Variants in TNFRSF11A observed in about 807,000 individuals in gnomAD.
TNFRSF11A encodes the protein TNF receptor superfamily member 11a.
A neutral mutation model predicts 55.7 loss-of-function variants in TNFRSF11A; 32 were observed. The ratio of observed to expected loss-of-function variants is 0.57; its 90% CI spans 0.43 to 0.77. TNFRSF11A has a LOEUF of 0.77. Among genes scored for constraint, TNFRSF11A ranks in the 30% least tolerant of loss-of-function variants. The pLI, the probability that TNFRSF11A is intolerant of heterozygous loss-of-function variation, is 0.00. For missense variants in TNFRSF11A, 753 were observed against 809.8 expected, an observed-to-expected ratio of 0.93 and a Z score of 0.85; for synonymous variants, 311 against 331.0, an observed-to-expected ratio of 0.94 and a Z score of 0.65.
chr18:62,384,725 C>A, intron 9 of TNFRSF11A, 26 bp from the exon 10 acceptor site: 1 of 1,607,824 alleles, frequency 6.2e-7, no homozygotes, highest in Non-Finnish European at 8.5e-7. Context: ...TCACCCTCCC[C>A]GTGTTCTCCC....
intron 3 of TNFRSF11A, among the ~76,000 whole-genome samples, chr18:62,351,650 C>T (rs2046474345): frequency 6.6e-6 from 1 of 152,176 alleles, no homozygotes; most frequent in African/African-American, 2.4e-5. Flanking sequence ...TCCTGTAGTG[C>T]AGTACATATA....
chr18:62,366,348 CA>C (rs562953652), intron 7 of TNFRSF11A, among the ~76,000 whole-genome samples: 4 of 152,150 alleles, frequency 2.6e-5, no homozygotes, highest in South Asian at 2.1e-4. Context: ...TTAGCAGGGA[CA>C]GGGGGAAAGA....
rs1911635851 is a variant in TNFRSF11A at position 62,385,283 on chromosome 18, C to G, written c.*249C>G. 1 of 408,134 alleles carries G rather than the reference C, an allele frequency of 2.5e-6. No individual in the cohort carries two copies. Among genetic ancestry groups the G allele is most frequent in the Admixed American group, 4.6e-5 (1 of 21,904 alleles). 25.3% of individuals were successfully genotyped at this position (408,134 alleles called of 1,614,324 possible). Reference sequence around the variant, plus strand: ...GGCAGATGTCTCCCCTGCCACTCCTCAAACTCGCAGCAGTAATTTGTGGCA... The same window carrying G: ...GGCAGATGTCTCCCCTGCCACTCCTGAAACTCGCAGCAGTAATTTGTGGCA... On this transcript the variant is annotated 3_prime_UTR_variant, in exon 10 of 10. Transcript: ENST00000586569.
chr18:62,371,656 C>T (rs75717410), intron 9 of TNFRSF11A, among the ~76,000 whole-genome samples: 2,288 of 152,300 alleles, frequency 0.015, 37 homozygotes, highest in Admixed American at 0.043. Flanking sequence ...AATTAATTTT[C>T]GCCTGAGGAG....
chr18:62,335,508 G>A (rs2046219021), intron 1 of TNFRSF11A, among the ~76,000 whole-genome samples: 1 of 152,184 alleles, frequency 6.6e-6, no homozygotes, highest in Non-Finnish European at 1.5e-5. Context: ...GGGGACTCAA[G>A]GTGGTGGGCA....
intron 5 of TNFRSF11A, 95 bp downstream of exon 5, chr18:62,358,436 G>A: frequency 8.1e-7 from 1 of 1,234,418 alleles, no homozygotes; most frequent in Non-Finnish European, 1.2e-6. Context: ...GGATTCTGTT[G>A]GGTTAGGCTT....
In TNFRSF11A at chr18:62,386,906, G is replaced by T. The variant is rs951260511; in HGVS notation, c.*1872G>T. ...CCTTTTATTTAACATCATCCACAGA[G>T]AGATGTTATACAAATGGAGGAAACC... On this transcript the variant is annotated 3_prime_UTR_variant, in exon 10 of 10. Transcript: ENST00000586569. 4 of 152,176 alleles carry T rather than the reference G, an allele frequency of 2.6e-5. No homozygotes were observed. Among genetic ancestry groups the T allele is most frequent in the African/African-American group, 9.7e-5 (4 of 41,424 alleles). 9.4% of individuals were successfully genotyped at this position (152,176 alleles called of 1,614,324 possible). A position where few individuals can be genotyped will look rare whatever the true frequency, so the allele number is the denominator to read the frequency against.
chr18:62,329,681 C>T (rs1411584371), intron 1 of TNFRSF11A, among the ~76,000 whole-genome samples: 1 of 152,162 alleles, frequency 6.6e-6, no homozygotes, highest in East Asian at 1.9e-4. Flanking sequence ...AGGTTTAAAA[C>T]CGAGTGGGTG....
chr18:62,337,235 G>A (rs181930631), intron 1 of TNFRSF11A, among the ~76,000 whole-genome samples: 3 of 152,036 alleles, frequency 2.0e-5, no homozygotes, highest in Non-Finnish European at 1.5e-5. Context: ...TGACAAAATG[G>A]TTAATATGGC....
intron 1 of TNFRSF11A, among the ~76,000 whole-genome samples, 200 bp from the exon 2 acceptor site, chr18:62,347,968 A>G (rs1258116460): frequency 1.3e-5 from 2 of 151,146 alleles, no homozygotes; most frequent in African/African-American, 4.9e-5. Context: ...CTAAAGTAGG[A>G]GAATCGCTTG....
intron 3 of TNFRSF11A, 118 bp downstream of exon 3, chr18:62,350,055 T>G: frequency 4.3e-6 from 6 of 1,395,648 alleles, no homozygotes; most frequent in Non-Finnish European, 6.0e-6. Flanking sequence ...GAAAGGAAGT[T>G]GTGACTACAC....
intron 7 of TNFRSF11A, among the ~76,000 whole-genome samples, chr18:62,365,187 C>T (rs1472490145): frequency 6.6e-6 from 1 of 152,104 alleles, no homozygotes; most frequent in African/African-American, 2.4e-5. Flanking sequence ...GTCTCAAACT[C>T]CTGAGCTGAA....
chr18:62,339,933 G>A (rs543890390), intron 1 of TNFRSF11A, among the ~76,000 whole-genome samples: 1 of 152,098 alleles, frequency 6.6e-6, no homozygotes, highest in South Asian at 2.1e-4. Context: ...AAGCTGACCA[G>A]CTGTGATGAG....
chr18:62,390,258 A>G lies in TNFRSF11A; in HGVS notation c.*5224A>G, dbSNP rs1555777940. The G allele has an allele frequency of 6.6e-6, 1 of 152,198 alleles. No individual in the cohort carries two copies. Among genetic ancestry groups the G allele is most frequent in the Non-Finnish European group, 1.5e-5 (1 of 68,032 alleles). 9.4% of individuals were successfully genotyped at this position (152,198 alleles called of 1,614,324 possible). A position where few individuals can be genotyped will look rare whatever the true frequency, so the allele number is the denominator to read the frequency against. ...ACAGTTGACAGGACTGTTATGGTTGACCCAAAAGTTGTCATCTTCTGACAT... is the reference window on the plus strand; with the variant it reads ...ACAGTTGACAGGACTGTTATGGTTGGCCCAAAAGTTGTCATCTTCTGACAT... On this transcript the variant is annotated 3_prime_UTR_variant, in exon 10 of 10. Coordinates refer to ENST00000586569, the MANE Select transcript of TNFRSF11A (RefSeq NM_003839.4).
At chr18:62,367,124 A>G (rs1055118586) in intron 8 of TNFRSF11A, among the ~76,000 whole-genome samples, 1 of 152,330 alleles carries the variant, frequency 6.6e-6, no homozygotes, top group Middle Eastern at 3.4e-3. Context: ...TGCTGGGATT[A>G]TAGGCAGGAG....
intron 8 of TNFRSF11A, among the ~76,000 whole-genome samples, chr18:62,367,090 T>C (rs546812829): frequency 3.2e-4 from 48 of 152,332 alleles, no homozygotes; most frequent in African/African-American, 9.6e-4. Context: ...CCTCAAGTGA[T>C]CCACCTGCCT....
Position 62,379,015 on chromosome 18 carries a change from G to A in TNFRSF11A, c.1568-5736G>A, listed in dbSNP as rs536986864. Among the ~76,000 whole-genome samples, 9 of 152,258 alleles carry A rather than the reference G, an allele frequency of 5.9e-5. No homozygotes were observed. The South Asian group carries it at 8.3e-4, about 14-fold the overall frequency. On this transcript the variant is annotated intron_variant, in intron 9 of 9. Transcript: ENST00000586569. ...CTTTCCGGTGAATCTGGATTATGAC[G>A]TGCCATGGAAAAAGAAGGCTGTTTG...
Position 62,384,793 on chromosome 18 carries a change from G to A in TNFRSF11A, c.1610G>A (p.Gly537Glu). The change falls in exon 10 of 10, where the codon GGG becomes GAG. Residue 537 changes from glycine to glutamate, a missense_variant. Around this residue, in one of 3 missense-constraint regions of TNFRSF11A, gnomAD observed 567 missense variants for 596.7 expected, o/e 0.95. Transcript: ENST00000586569. ...GNSNSTFISS[G>E]QVMNFKGDII... ...AGTAACTCCACGTTCATCTCCAGCG[G>A]GCAGGTGATGAACTTCAAGGGCGAC... 1 of 1,612,828 alleles carries A rather than the reference G, an allele frequency of 6.2e-7. No homozygotes were observed. The highest frequency in any genetic ancestry group is 8.5e-7 in the Non-Finnish European group (1 of 1,179,554).
At chr18:62,368,498 CATTT>C (rs143978208) in intron 8 of TNFRSF11A, among the ~76,000 whole-genome samples, 199 bp from the exon 9 acceptor site, 2,172 of 152,328 alleles carry the variant, frequency 0.014, 48 homozygotes, top group African/African-American at 0.05. Context: ...CAGCTACATT[CATTT>C]GTTTCTAGTT....
Sources: gnomAD v4.1 joint callset for allele counts (sites outside exome capture counted in the v4.1 genomes callset) on GRCh38, gnomAD v4.1.1 for gene constraint, gnomAD v4.1.1 regional missense constraint, MANE v1.5 for transcripts, NCBI Gene and HGNC (gene_info 2026-07-23, HGNC 2026-07-21) for gene names.